The following CACNA1E variants were observed in gnomAD, a reference collection of about 807,000 sequenced individuals.
The protein encoded by CACNA1E is voltage-dependent R-type calcium channel subunit alpha-1E.
CACNA1E carries 40 observed loss-of-function variants against 259.2 expected under a neutral mutation model. The ratio of observed to expected loss-of-function variants is 0.15; its 90% confidence interval spans 0.12 to 0.20. CACNA1E has a LOEUF of 0.20. Ranked by LOEUF, CACNA1E falls within the 10% of genes least tolerant of loss-of-function variation. The pLI is 1.00. For synonymous variants in CACNA1E, 1,104 were observed against 1,138.5 expected, an observed-to-expected ratio of 0.97 and a Z score of 0.61; for missense variants, 1,874 against 3,040.1, an observed-to-expected ratio of 0.62 and a Z score of 9.02.
chr1:181,616,467 C>A (rs1363839908), intron 6 of CACNA1E, among the ~76,000 whole-genome samples: 1 of 152,122 alleles, frequency 6.6e-6, no homozygotes, highest in Non-Finnish European at 1.5e-5. Context: ...ATAATCCCAG[C>A]ACTTTGGGAG....
intron 3 of CACNA1E, 42 bp downstream of exon 3, chr1:181,511,552 G>C: frequency 3.1e-6 from 5 of 1,608,384 alleles, no homozygotes; most frequent in East Asian, 2.2e-5. Context: ...GTGTATGAAG[G>C]GGGTTGGTAT....
intron 6 of CACNA1E, among the ~76,000 whole-genome samples, chr1:181,615,855 T>A (rs1054225317): frequency 6.6e-6 from 1 of 152,236 alleles, no homozygotes; most frequent in African/African-American, 2.4e-5. Flanking sequence ...TCATTAAACA[T>A]GATCTTTGCT....
intron 1 of CACNA1E, among the ~76,000 whole-genome samples, chr1:181,318,719 T>A (rs1169930961): frequency 6.6e-6 from 1 of 152,204 alleles, no homozygotes; most frequent in Non-Finnish European, 1.5e-5. Flanking sequence ...AAACTGCATG[T>A]GCCTTTGGAG....
In CACNA1E at chr1:181,719,765, T is replaced by A; in HGVS notation, c.1653T>A (p.Ser551Arg). ...TGCCTCTCTAGGTCACAGTGGGCAG[T>A]ATCTTTGAAGTGGTCTGGGCAATCT... ...NCFDFGVTVGSIFEVVWAIFR... is the reference protein window; with the variant it reads ...NCFDFGVTVGRIFEVVWAIFR... The change falls in exon 13 of 48, where the codon AGT becomes AGA. Residue 551 changes from serine to arginine, a missense_variant. By Grantham distance (110) the Ser-to-Arg change is moderately radical. This residue lies in a region of CACNA1E where 102 missense variants were observed against 279.4 expected (regional missense o/e 0.37). Transcript: ENST00000367573. The A allele has an allele frequency of 6.3e-7, 1 of 1,597,658 alleles. No individual in the cohort carries two copies. The highest frequency in any genetic ancestry group is 8.5e-7 in the Non-Finnish European group (1 of 1,170,274).
At chr1:181,662,193 T>G (rs577067706) in intron 7 of CACNA1E, among the ~76,000 whole-genome samples, 16 of 152,264 alleles carry the variant, frequency 1.1e-4, no homozygotes, top group African/African-American at 3.8e-4. Context: ...AGACACTGCT[T>G]AGTGTATCAG....
At chr1:181,376,833 T>C (rs1248667064) in intron 1 of CACNA1E, among the ~76,000 whole-genome samples, 1 of 112,894 alleles carries the variant, frequency 8.9e-6, no homozygotes, top group Non-Finnish European at 1.8e-5. Flanking sequence ...CATTAAAGAG[T>C]CTGGAAACTG....
At chr1:181,638,530 C>G (rs1234936580) in intron 6 of CACNA1E, among the ~76,000 whole-genome samples, 1 of 152,148 alleles carries the variant, frequency 6.6e-6, no homozygotes, top group Non-Finnish European at 1.5e-5. Flanking sequence ...GCTTCACATG[C>G]TTATTGTGGG....
chr1:181,392,304 C>T (rs1265853517), intron 1 of CACNA1E, among the ~76,000 whole-genome samples: 1 of 152,216 alleles, frequency 6.6e-6, no homozygotes, highest in African/African-American at 2.4e-5. Flanking sequence ...TCCTTTCATT[C>T]AATTCCTATC....
chr1:181,440,231 A>T (rs1231080119), intron 2 of CACNA1E, among the ~76,000 whole-genome samples: 1 of 152,002 alleles, frequency 6.6e-6, no homozygotes, highest in African/African-American at 2.4e-5. Flanking sequence ...GTATGCTTCC[A>T]TAGAAGGAGA....
At chr1:181,672,303 G>A (rs930441003) in intron 7 of CACNA1E, among the ~76,000 whole-genome samples, 1 of 152,150 alleles carries the variant, frequency 6.6e-6, no homozygotes, top group Non-Finnish European at 1.5e-5. Context: ...TAATACCTGG[G>A]TGATGAAATA....
chr1:181,594,741 A>G (rs1652989412), intron 6 of CACNA1E, among the ~76,000 whole-genome samples: 1 of 152,166 alleles, frequency 6.6e-6, no homozygotes, highest in Admixed American at 6.5e-5. Flanking sequence ...CTGCCATGGT[A>G]TTAGGCAAGT....
chr1:181,429,189 AC>A (rs201660856), intron 2 of CACNA1E, among the ~76,000 whole-genome samples: 10 of 152,152 alleles, frequency 6.6e-5, no homozygotes, highest in African/African-American at 2.2e-4. Context: ...CTTAAAAAAA[AC>A]AAAAAAGAAT....
intron 6 of CACNA1E, among the ~76,000 whole-genome samples, chr1:181,643,207 A>G (rs187815231): frequency 6.6e-6 from 1 of 152,222 alleles, no homozygotes; most frequent in South Asian, 2.1e-4. Flanking sequence ...TGTAACCCAC[A>G]TCAGCCCCAG....
intron 3 of CACNA1E, among the ~76,000 whole-genome samples, chr1:181,535,700 T>C (rs910260879): frequency 2.6e-5 from 4 of 151,556 alleles, no homozygotes; most frequent in African/African-American, 9.7e-5. Flanking sequence ...TTTTTTTTTT[T>C]TTTTCGAGAC....
At chr1:181,457,745 T>C (rs979613019) in intron 2 of CACNA1E, among the ~76,000 whole-genome samples, 4 of 152,216 alleles carry the variant, frequency 2.6e-5, no homozygotes, top group Non-Finnish European at 4.4e-5. Flanking sequence ...GAGTTGAACA[T>C]ATAGATGAAG....
At chr1:181,673,616 G>A (rs1649042396) in intron 7 of CACNA1E, among the ~76,000 whole-genome samples, 1 of 152,220 alleles carries the variant, frequency 6.6e-6, no homozygotes, top group Non-Finnish European at 1.5e-5. Flanking sequence ...GTGAGCCGGA[G>A]AGCAGATGGT....
intron 7 of CACNA1E, among the ~76,000 whole-genome samples, chr1:181,705,313 A>C (rs908326347): frequency 2.0e-5 from 3 of 152,230 alleles, no homozygotes; most frequent in African/African-American, 7.2e-5. Context: ...ACTTCATCTT[A>C]ATGATTAATT....
intron 7 of CACNA1E, among the ~76,000 whole-genome samples, chr1:181,661,989 T>C (rs1325040263): frequency 6.6e-6 from 1 of 152,226 alleles, no homozygotes; most frequent in Non-Finnish European, 1.5e-5. Flanking sequence ...AGGTCCTCCA[T>C]GACGGCCATG....
At chr1:181,794,414 A>C (rs1661604907) in intron 45 of CACNA1E, among the ~76,000 whole-genome samples, 1 of 152,112 alleles carries the variant, frequency 6.6e-6, no homozygotes, top group Non-Finnish European at 1.5e-5. Context: ...CTAGTGCTGC[A>C]GGGCAGGGCC....
Sources: gnomAD v4.1 joint callset for allele counts (sites outside exome capture counted in the v4.1 genomes callset) on GRCh38, gnomAD v4.1.1 for gene constraint, gnomAD v4.1.1 regional missense constraint, MANE v1.5 for transcripts, NCBI Gene and HGNC (gene_info 2026-07-23, HGNC 2026-07-21) for gene names.